The following PPP2R5E variants were observed in gnomAD, a reference collection of about 807,000 sequenced individuals.
PPP2R5E encodes the protein protein phosphatase 2 regulatory subunit B'epsilon.
PPP2R5E carries 4 observed loss-of-function variants against 65.3 expected under a neutral mutation model. The observed-to-expected ratio is 0.06, with a 90% CI of 0.03 to 0.14. The LOEUF (loss-of-function observed/expected upper bound fraction) is 0.14, where lower values mean the gene tolerates loss of function less well. Ranked by LOEUF, PPP2R5E falls within the 10% of genes least tolerant of loss-of-function variation. The pLI, the probability that PPP2R5E is intolerant of heterozygous loss-of-function variation, is 1.00. For missense variants in PPP2R5E, 274 were observed against 556.1 expected, an observed-to-expected ratio of 0.49 and a Z score of 5.10; for synonymous variants, 183 against 187.4, an observed-to-expected ratio of 0.98 and a Z score of 0.19.
chr14:63,533,840 C>T (rs1047537875), intron 2 of PPP2R5E, among the ~76,000 whole-genome samples: 8 of 151,694 alleles, frequency 5.3e-5, no homozygotes, highest in East Asian at 2.0e-4. Context: ...AGCTACTCTC[C>T]GCAGGCTGAG....
intron 2 of PPP2R5E, among the ~76,000 whole-genome samples, chr14:63,503,159 T>G (rs1299390002): frequency 6.6e-6 from 1 of 152,124 alleles, no homozygotes; most frequent in Non-Finnish European, 1.5e-5. Context: ...GCCATTTTTT[T>G]TTTAACTACT....
intron 2 of PPP2R5E, among the ~76,000 whole-genome samples, chr14:63,472,961 T>C (rs970694012): frequency 1.3e-5 from 2 of 152,026 alleles, no homozygotes; most frequent in Admixed American, 1.3e-4. Flanking sequence ...AACAATGTCA[T>C]CAGAACCAAG....
intron 11 of PPP2R5E, 87 bp downstream of exon 11, chr14:63,389,525 C>G (rs928715968): frequency 7.2e-6 from 10 of 1,397,954 alleles, no homozygotes; most frequent in Non-Finnish European, 8.6e-6. Context: ...CAATAGGTAG[C>G]TAGGGTCCAT....
At chr14:63,442,364 A>G (rs933494319) in intron 3 of PPP2R5E, among the ~76,000 whole-genome samples, 1 of 152,166 alleles carries the variant, frequency 6.6e-6, no homozygotes, top group African/African-American at 2.4e-5. Context: ...CTAATATTAT[A>G]AACAGTCCAC....
At chr14:63,435,318 T>A (rs866756412) in intron 3 of PPP2R5E, among the ~76,000 whole-genome samples, 5 of 152,136 alleles carry the variant, frequency 3.3e-5, no homozygotes, top group Admixed American at 6.5e-5. Context: ...ATGTGGGTAA[T>A]GATTGAATTT....
intron 3 of PPP2R5E, among the ~76,000 whole-genome samples, chr14:63,429,432 A>G (rs1450858373): frequency 6.6e-6 from 1 of 152,240 alleles, no homozygotes; most frequent in Non-Finnish European, 1.5e-5. Flanking sequence ...TAAACAGAAA[A>G]CATTCCAGGA....
At chr14:63,509,849 A>C (rs1187642823) in intron 2 of PPP2R5E, among the ~76,000 whole-genome samples, 2 of 152,174 alleles carry the variant, frequency 1.3e-5, no homozygotes, top group African/African-American at 4.8e-5. Context: ...AGTCTGGCCC[A>C]CTGGGACCTA....
At chr14:63,433,041 T>TG (rs970742024) in intron 3 of PPP2R5E, among the ~76,000 whole-genome samples, 5 of 141,300 alleles carry the variant, frequency 3.5e-5, no homozygotes, top group African/African-American at 1.4e-4. Flanking sequence ...TGTTTTTTTT[T>TG]TTTTTTTTTT....
chr14:63,396,569 C>T lies in PPP2R5E; in HGVS notation c.680+17G>A, dbSNP rs957903898. 6.2e-7 allele frequency: 1 copy of T among 1,610,078 alleles called. No individual in the cohort carries two copies. Among genetic ancestry groups the T allele is most frequent in the African/African-American group, 1.3e-5 (1 of 74,834 alleles). On this transcript the variant is annotated intron_variant, in intron 6 of 13. Transcript: ENST00000337537. Reference sequence around the variant, plus strand: ...CCAACTTTGCTTCTCCTTCTTCCCCCATCACACTCCACTTACCTTAGAAAA... The same window carrying T: ...CCAACTTTGCTTCTCCTTCTTCCCCTATCACACTCCACTTACCTTAGAAAA...
chr14:63,431,849 G>C (rs1375885055), intron 3 of PPP2R5E, among the ~76,000 whole-genome samples: 1 of 152,026 alleles, frequency 6.6e-6, no homozygotes, highest in Non-Finnish European at 1.5e-5. Flanking sequence ...GAAATAATTA[G>C]TAATTATTCA....
At chr14:63,458,810 A>G (rs1388984342) in intron 2 of PPP2R5E, among the ~76,000 whole-genome samples, 1 of 152,194 alleles carries the variant, frequency 6.6e-6, no homozygotes. Context: ...TCTATAAATT[A>G]TATTTATATT....
At chr14:63,447,382 G>A (rs976360221) in intron 3 of PPP2R5E, among the ~76,000 whole-genome samples, 1 of 152,222 alleles carries the variant, frequency 6.6e-6, no homozygotes, top group African/African-American at 2.4e-5. Context: ...GCACTTTTAT[G>A]TTAGAGAGAT....
At chr14:63,521,542 C>G (rs920842980) in intron 2 of PPP2R5E, among the ~76,000 whole-genome samples, 1 of 152,038 alleles carries the variant, frequency 6.6e-6, no homozygotes, top group Non-Finnish European at 1.5e-5. Flanking sequence ...TGGCACATGC[C>G]GGTAATCCCA....
In PPP2R5E at chr14:63,420,011, C is replaced by T. The variant is rs61995010; in HGVS notation, c.456+1982G>A. On this transcript the variant is annotated intron_variant, in intron 4 of 13. Coordinates refer to ENST00000337537, the MANE Select transcript of PPP2R5E (RefSeq NM_006246.5). ...GAAATTAATTTGGTCCTGTATTTTA[C>T]AGAGTCATTAAGTATGGGAAGGATT... is the stretch of plus-strand genomic sequence containing the variant. 2.0e-3 allele frequency among the ~76,000 whole-genome samples: 305 copies of T among 151,600 alleles called. 3 individuals carry two copies. Among genetic ancestry groups the T allele is most frequent in the Non-Finnish European group, 7.1e-4 (48 of 67,910 alleles).
chr14:63,527,398 T>A (rs1893223902), intron 2 of PPP2R5E, among the ~76,000 whole-genome samples: 1 of 152,240 alleles, frequency 6.6e-6, no homozygotes, highest in Non-Finnish European at 1.5e-5. Flanking sequence ...CTCCATATTT[T>A]TCTTCCTTAA....
At chr14:63,477,159 A>G (rs1244018095) in intron 2 of PPP2R5E, among the ~76,000 whole-genome samples, 1 of 152,140 alleles carries the variant, frequency 6.6e-6, no homozygotes, top group Non-Finnish European at 1.5e-5. Flanking sequence ...AAAGAAAACC[A>G]TTCTCATTAA....
intron 2 of PPP2R5E, among the ~76,000 whole-genome samples, chr14:63,502,565 A>G (rs763429915): frequency 4.6e-5 from 7 of 151,898 alleles, no homozygotes; most frequent in Non-Finnish European, 8.8e-5. Context: ...TACTCGGGAG[A>G]CTGAGGCAGG....
At position 63,396,799 on chromosome 14, in the gene PPP2R5E, T is replaced by C. The variant is rs1236669324; in HGVS notation, c.550-83A>G. 4.0e-6 allele frequency: 6 copies of C among 1,518,098 alleles called. No homozygotes were observed. In the East Asian group the frequency reaches 1.4e-4, roughly 35 times the overall value. 94.0% of individuals were successfully genotyped at this position (1,518,098 alleles called of 1,614,324 possible). A position where few individuals can be genotyped will look rare whatever the true frequency, so the allele number is the denominator to read the frequency against. On this transcript the variant is annotated intron_variant, in intron 5 of 13. Coordinates refer to ENST00000337537, the MANE Select transcript of PPP2R5E (RefSeq NM_006246.5). The stretch of plus-strand genomic sequence containing the variant: ...AATTCTATTATTTAAAATCCCCTTC[T>C]TCCTTCCTCAAAAAATGTGTTGAAT...
chr14:63,474,557 C>T (rs12884391), intron 2 of PPP2R5E, among the ~76,000 whole-genome samples: 1 of 150,860 alleles, frequency 6.6e-6, no homozygotes, highest in Non-Finnish European at 1.5e-5. Flanking sequence ...CCTATAATCC[C>T]AGCTACTCGG....
Sources: gnomAD v4.1 joint callset for allele counts (sites outside exome capture counted in the v4.1 genomes callset) on GRCh38, gnomAD v4.1.1 for gene constraint, MANE v1.5 for transcripts, NCBI Gene and HGNC (gene_info 2026-07-23, HGNC 2026-07-21) for gene names.